ATP2C1: variants seen among roughly 807,000 people sequenced by gnomAD.
ATP2C1 encodes ATPase secretory pathway Ca2+ transporting 1, also known as calcium-transporting ATPase type 2C member 1.
Under a neutral mutation model 120.5 loss-of-function variants are expected in ATP2C1, and 31 were observed. The observed-to-expected ratio is 0.26, with a 90% CI of 0.19 to 0.35. ATP2C1 has a LOEUF of 0.35. ATP2C1 is among the 10% of genes least tolerant of loss of function. The pLI is 1.00. For missense variants in ATP2C1, 731 were observed against 1,107.5 expected (o/e 0.66, Z 4.83); for synonymous variants, 351 against 358.7 (o/e 0.98, Z 0.24).
At chr3:131,014,487 G>A in intron 26 of ATP2C1, 1 of 1,134,186 alleles carries the variant, frequency 8.8e-7, no homozygotes, top group Non-Finnish European at 1.2e-6. Context: ...TAAACAATGA[G>A]AGCTCTTATT....
At chr3:130,898,816 C>T (rs1341218926) in intron 2 of ATP2C1, among the ~76,000 whole-genome samples, 4 of 152,162 alleles carry the variant, frequency 2.6e-5, no homozygotes, top group African/African-American at 9.7e-5. Flanking sequence ...TAGCCATGAT[C>T]TGTTTTGCAA....
chr3:130,936,976 T>C (rs2059701779), intron 5 of ATP2C1, among the ~76,000 whole-genome samples: 1 of 151,886 alleles, frequency 6.6e-6, no homozygotes, highest in African/African-American at 2.4e-5. Flanking sequence ...GAAAGTCATA[T>C]ATTAAAATAT....
At chr3:131,013,314 T>TCTAA (rs1266594978) in intron 26 of ATP2C1, among the ~76,000 whole-genome samples, 2 of 152,212 alleles carry the variant, frequency 1.3e-5, no homozygotes, top group Non-Finnish European at 2.9e-5. Flanking sequence ...TATTTTCCAT[T>TCTAA]CTAACTTTTT....
chr3:130,963,652 A>G, intron 12 of ATP2C1: 1 of 323,802 alleles, frequency 3.1e-6, no homozygotes, highest in Non-Finnish European at 5.9e-6. Context: ...AGTTATCTGT[A>G]TTTTATAGAT....
intron 1 of ATP2C1, among the ~76,000 whole-genome samples, chr3:130,866,989 C>T (rs2068198505): frequency 6.6e-6 from 1 of 152,148 alleles, no homozygotes; most frequent in South Asian, 2.1e-4. Flanking sequence ...TGCAATGTTT[C>T]AAACTTTCCC....
chr3:130,979,542 A>G, intron 19 of ATP2C1, 123 bp downstream of exon 19: 1 of 1,115,732 alleles, frequency 9.0e-7, no homozygotes, highest in East Asian at 2.6e-5. Flanking sequence ...ATTGAAATCG[A>G]CTCATGGTTT....
chr3:130,903,384 A>G (rs1245034412), intron 2 of ATP2C1, among the ~76,000 whole-genome samples: 2 of 152,034 alleles, frequency 1.3e-5, no homozygotes, highest in Non-Finnish European at 2.9e-5. Context: ...TTGACTGTCA[A>G]CTGCTTTTAA....
At chr3:131,003,670 A>G (rs189868566), downstream of ATP2C1, among the ~76,000 whole-genome samples, 3 of 152,172 alleles carry the variant, frequency 2.0e-5, no homozygotes, top group Non-Finnish European at 4.4e-5. Context: ...CTCCCCTCTC[A>G]GGATACAGGC....
intron 20 of ATP2C1, among the ~76,000 whole-genome samples, chr3:130,988,185 T>C (rs2062116309): frequency 1.3e-5 from 2 of 152,226 alleles, no homozygotes; most frequent in African/African-American, 4.8e-5. Context: ...CCTAGAAGAT[T>C]TGAGGATCTT....
At position 130,894,512 on chromosome 3, in the gene ATP2C1, G is replaced by T; in HGVS notation, c.-180-78G>T. The stretch of plus-strand genomic sequence containing the variant: ...CGGGTGCGGGATCTTGGGGAGGGGG[G>T]CTCCCGAGATAGTGGCTGGGCGGGG... On this transcript the variant is annotated intron_variant, in intron 1 of 27. Transcript: ENST00000510168. This position sits in a 1 kb window ranked among gnomAD's most constrained non-coding sequence, Gnocchi z 4.5. 2.2e-6 allele frequency: 3 copies of T among 1,388,960 alleles called. No individual in the cohort carries two copies. Among genetic ancestry groups the T allele is most frequent in the Admixed American group, 3.0e-5 (1 of 33,326 alleles). The allele number at this position is 1,388,960 out of a possible 1,614,324, so 86.0% of individuals were successfully genotyped here.
In ATP2C1 at chr3:131,001,516, A is replaced by G; in HGVS notation, c.*166A>G. 7.6e-7 allele frequency: 1 copy of G among 1,308,160 alleles called. No individual in the cohort carries two copies. Among genetic ancestry groups the G allele is most frequent in the Middle Eastern group, 3.0e-4 (1 of 3,308 alleles). 81.0% of individuals were successfully genotyped at this position (1,308,160 alleles called of 1,614,324 possible). On this transcript the variant is annotated 3_prime_UTR_variant, in exon 28 of 28. Coordinates refer to ENST00000510168, the MANE Select transcript of ATP2C1 (RefSeq NM_001378687.1). ...AGACTTTAACCTGCTGGCAGTCCCA[A>G]ATGAAATTATGCAACTTTGATATCA...
chr3:131,001,557 A>G lies in ATP2C1; in HGVS notation c.*207A>G. The G allele has an allele frequency of 7.9e-7, 1 of 1,265,810 alleles. No homozygotes were observed. The allele number at this position is 1,265,810 out of a possible 1,614,324, so 78.4% of individuals were successfully genotyped here. A position where few individuals can be genotyped will look rare whatever the true frequency, so the allele number is the denominator to read the frequency against. On this transcript the variant is annotated 3_prime_UTR_variant, in exon 28 of 28. Coordinates refer to ENST00000510168, the MANE Select transcript of ATP2C1 (RefSeq NM_001378687.1). ...TTTGATATCATATTCCTTGATTTAAATTGGCTTTTGTGATTGAGTGAAACT... is the reference window on the plus strand; with the variant it reads ...TTTGATATCATATTCCTTGATTTAAGTTGGCTTTTGTGATTGAGTGAAACT...
At chr3:130,903,054 C>T (rs756145577) in intron 2 of ATP2C1, among the ~76,000 whole-genome samples, 33 of 152,006 alleles carry the variant, frequency 2.2e-4, no homozygotes, top group Non-Finnish European at 4.7e-4. Flanking sequence ...TCTTACTATA[C>T]ATTATTTTCT....
intron 18 of ATP2C1, among the ~76,000 whole-genome samples, 167 bp from the exon 19 acceptor site, chr3:130,979,082 T>C (rs140854830): frequency 1.3e-5 from 2 of 152,312 alleles, no homozygotes; most frequent in East Asian, 3.9e-4. Flanking sequence ...CCAGAACCAT[T>C]AAACTATAAT....
At chr3:130,851,677 GA>G (rs2067681942) in intron 1 of ATP2C1, among the ~76,000 whole-genome samples, 1 of 152,208 alleles carries the variant, frequency 6.6e-6, no homozygotes, top group Non-Finnish European at 1.5e-5. Flanking sequence ...CAAATTGTTA[GA>G]AGAAGTAGCA....
intron 1 of ATP2C1, among the ~76,000 whole-genome samples, chr3:130,876,784 T>C (rs1383270191): frequency 6.6e-6 from 1 of 151,374 alleles, no homozygotes; most frequent in Non-Finnish European, 1.5e-5. Context: ...TCCTCTACTA[T>C]TTGTTTCATC....
At chr3:131,004,943 T>C (rs1221967692), downstream of ATP2C1, among the ~76,000 whole-genome samples, 1 of 152,120 alleles carries the variant, frequency 6.6e-6, no homozygotes. Context: ...AAGAGTTTGA[T>C]GTGAGTTTGG....
chr3:130,877,137 T>G (rs549247807), intron 1 of ATP2C1, among the ~76,000 whole-genome samples: 51 of 152,336 alleles, frequency 3.3e-4, no homozygotes, highest in African/African-American at 1.2e-3. Context: ...GATATAAGTA[T>G]AGCTACTCCT....
intron 2 of ATP2C1, among the ~76,000 whole-genome samples, chr3:130,901,647 A>C (rs867633831): frequency 2.6e-5 from 4 of 152,040 alleles, no homozygotes; most frequent in Non-Finnish European, 2.9e-5. Flanking sequence ...GCTGAAGGGA[A>C]TATATAGGTC....
Sources: allele counts gnomAD v4.1 joint callset (sites outside exome capture counted in the v4.1 genomes callset), GRCh38; gene constraint gnomAD v4.1.1; non-coding constraint Gnocchi (gnomAD v3.1); transcripts MANE v1.5; gene names NCBI Gene and HGNC (gene_info 2026-07-23, HGNC 2026-07-21).